Variants in FNDC3B observed in about 807,000 individuals in gnomAD.
FNDC3B encodes the protein fibronectin type III domain containing 3B.
In FNDC3B, 12 loss-of-function variants were observed where a neutral mutation model predicts 151.5. The observed-to-expected ratio is 0.08, with a 90% CI of 0.05 to 0.13. The LOEUF is 0.13. Among genes scored for constraint, FNDC3B ranks in the 10% least tolerant of loss-of-function variants. FNDC3B has a pLI of 1.00. For synonymous variants in FNDC3B, 528 were observed against 549.0 expected (o/e 0.96, Z 0.54); for missense variants, 1,214 against 1,505.3 (o/e 0.81, Z 3.20).
At chr3:172,324,115 T>A (rs1732225654) in intron 11 of FNDC3B, among the ~76,000 whole-genome samples, 1 of 151,628 alleles carries the variant, frequency 6.6e-6, no homozygotes, top group Non-Finnish European at 1.5e-5. Context: ...GAACATAGAG[T>A]AAGATGATCC....
chr3:172,102,867 T>C (rs1010295139), intron 1 of FNDC3B, among the ~76,000 whole-genome samples: 9 of 152,244 alleles, frequency 5.9e-5, no homozygotes, highest in South Asian at 2.1e-4. Flanking sequence ...TCTCTCACTG[T>C]CTTACAGAAA....
At chr3:172,209,811 C>T (rs976349028) in intron 3 of FNDC3B, among the ~76,000 whole-genome samples, 7 of 152,372 alleles carry the variant, frequency 4.6e-5, no homozygotes, top group East Asian at 1.9e-4. Context: ...CTGTCCGGCC[C>T]GAGGGGCACC....
At chr3:172,180,694 T>C (rs1723845216) in intron 3 of FNDC3B, among the ~76,000 whole-genome samples, 1 of 152,158 alleles carries the variant, frequency 6.6e-6, no homozygotes, top group South Asian at 2.1e-4. Context: ...GGAACTCTAG[T>C]TGTGCCAGTA....
In FNDC3B at chr3:172,073,370, T is replaced by G. The variant is rs1439630158; in HGVS notation, c.-29+33599T>G. On this transcript the variant is annotated intron_variant, in intron 1 of 25. Transcript: ENST00000415807. ...TAACAGTTCGAATGTAGAGACTGGC[T>G]GTGAAAGTGGATTGGGATTTTAAGA... Among the ~76,000 whole-genome samples, 3 of 152,304 alleles carry G rather than the reference T, an allele frequency of 2.0e-5. No homozygotes were observed. In the East Asian group the frequency reaches 5.8e-4, roughly 29 times the overall value.
intron 1 of FNDC3B, among the ~76,000 whole-genome samples, chr3:172,063,885 A>G (rs1717351079): frequency 6.6e-6 from 1 of 152,140 alleles, no homozygotes; most frequent in Non-Finnish European, 1.5e-5. Flanking sequence ...ATATGTTGAA[A>G]TCTAACCCCC....
At chr3:172,231,567 G>GAACTACT (rs1726891814) in intron 4 of FNDC3B, among the ~76,000 whole-genome samples, 1 of 152,164 alleles carries the variant, frequency 6.6e-6, no homozygotes, top group African/African-American at 2.4e-5. Flanking sequence ...TGGTGGTGGT[G>GAACTACT]ATGGTGATGG....
Position 172,251,352 on chromosome 3 carries a change from G to T in FNDC3B, c.601G>T (p.Asp201Tyr), listed in dbSNP as rs749187315. 4 of 1,614,016 alleles carry T rather than the reference G, an allele frequency of 2.5e-6. No homozygotes were observed. The East Asian group carries it at 6.7e-5, about 27-fold the overall frequency. The change falls in exon 6 of 26, where the codon GAT becomes TAT. Residue 201 changes from aspartate to tyrosine, a missense_variant. By Grantham distance (160) the Asp-to-Tyr change is radical. Transcript: ENST00000415807. ...CAAAAAACTGAAAGACCGCCAGATCGATCGCCAGAACCGCCTCAACAGCCC... is the reference window on the plus strand; with the variant it reads ...CAAAAAACTGAAAGACCGCCAGATCTATCGCCAGAACCGCCTCAACAGCCC... ...PHKKLKDRQI[D>Y]RQNRLNSPPS...
At chr3:172,218,551 A>G (rs1178073582) in intron 3 of FNDC3B, among the ~76,000 whole-genome samples, 2 of 152,118 alleles carry the variant, frequency 1.3e-5, no homozygotes, top group Non-Finnish European at 2.9e-5. Context: ...TTCACATGGT[A>G]TTTTTCTTCT....
chr3:172,119,802 C>T (rs544167107), intron 2 of FNDC3B, among the ~76,000 whole-genome samples: 22 of 152,262 alleles, frequency 1.4e-4, no homozygotes, highest in African/African-American at 4.6e-4. Context: ...TCCACCCGTC[C>T]GCTTGATGCC....
intron 1 of FNDC3B, among the ~76,000 whole-genome samples, chr3:172,060,914 A>G (rs1259612113): frequency 1.3e-5 from 2 of 152,236 alleles, no homozygotes; most frequent in Non-Finnish European, 2.9e-5. Context: ...TAACTGAGAT[A>G]CTTCAAATTA....
chr3:172,351,522 T>C (rs115242713), intron 21 of FNDC3B, among the ~76,000 whole-genome samples: 2,895 of 152,302 alleles, frequency 0.019, 99 homozygotes, highest in African/African-American at 0.066. Flanking sequence ...TTGTAAGAAC[T>C]TCAAAGTTTT....
Position 172,362,856 on chromosome 3 carries a change from G to A in FNDC3B, c.3008+11G>A, listed in dbSNP as rs763563175. 8.7e-6 allele frequency: 14 copies of A among 1,601,436 alleles called. No individual in the cohort carries two copies. In the East Asian group the frequency reaches 2.9e-4, roughly 33 times the overall value. ...GGACAGAAACAAGAGGTGAGGTGGG[G>A]GTGAGGATGCTCCTGAAGCTTCTGT... On this transcript the variant is annotated intron_variant, in intron 23 of 25. Coordinates refer to ENST00000415807, the MANE Select transcript of FNDC3B (RefSeq NM_022763.4).
intron 6 of FNDC3B, among the ~76,000 whole-genome samples, chr3:172,256,203 T>G (rs546270084): frequency 2.0e-5 from 3 of 152,322 alleles, no homozygotes; most frequent in African/African-American, 7.2e-5. Flanking sequence ...CTCATTCCCC[T>G]TTTTTGGCCT....
At chr3:172,246,410 G>A (rs1040354284) in intron 4 of FNDC3B, among the ~76,000 whole-genome samples, 8 of 152,288 alleles carry the variant, frequency 5.3e-5, no homozygotes, top group African/African-American at 1.4e-4. Flanking sequence ...CCCATCTCAC[G>A]TTATCATTCT....
At chr3:172,053,199 C>A (rs150715929) in intron 1 of FNDC3B, among the ~76,000 whole-genome samples, 1 of 152,028 alleles carries the variant, frequency 6.6e-6, no homozygotes, top group Admixed American at 6.5e-5. Flanking sequence ...TAGTGTCCAC[C>A]GCAGAAGCTG....
intron 6 of FNDC3B, among the ~76,000 whole-genome samples, chr3:172,258,359 G>A (rs1728473686): frequency 6.6e-6 from 1 of 152,126 alleles, no homozygotes; most frequent in Non-Finnish European, 1.5e-5. Flanking sequence ...CTCCAGCAGT[G>A]TTCCTTATTA....
intron 3 of FNDC3B, among the ~76,000 whole-genome samples, chr3:172,137,242 T>C (rs563338843): frequency 6.6e-6 from 1 of 152,304 alleles, no homozygotes; most frequent in East Asian, 1.9e-4. Flanking sequence ...TCTTTACTTG[T>C]AACTGAATTT....
At chr3:172,238,142 T>A (rs1263761363) in intron 4 of FNDC3B, among the ~76,000 whole-genome samples, 1 of 152,172 alleles carries the variant, frequency 6.6e-6, no homozygotes, top group African/African-American at 2.4e-5. Flanking sequence ...AGTCTGGAGA[T>A]TAGGGTAATA....
rs186389444 is a variant in FNDC3B, at chr3:172,318,284, G to A, written c.1254+7403G>A. ...CCCTGGGGAGCCATTAGCAGGTCAG[G>A]CCAGGCCAGGCAGGCCCAGCAGTCC... On this transcript the variant is annotated intron_variant, in intron 11 of 25. Coordinates refer to ENST00000415807, the MANE Select transcript of FNDC3B (RefSeq NM_022763.4). 2.2e-4 allele frequency among the ~76,000 whole-genome samples: 34 copies of A among 152,360 alleles called. No individual in the cohort carries two copies. The East Asian group carries it at 5.2e-3, about 23-fold the overall frequency.
Sources: allele counts gnomAD v4.1 joint callset (sites outside exome capture counted in the v4.1 genomes callset), GRCh38; gene constraint gnomAD v4.1.1; transcripts MANE v1.5; gene names NCBI Gene and HGNC (gene_info 2026-07-23, HGNC 2026-07-21).